Variants in UGT1A10 observed in about 807,000 individuals in gnomAD.
The protein encoded by UGT1A10 is UDP glucuronosyltransferase family 1 member A10.
A neutral mutation model predicts 45.8 loss-of-function variants in UGT1A10; 49 were observed. That is an observed-to-expected ratio of 1.07 (90% CI 0.85 to 1.36). The LOEUF (loss-of-function observed/expected upper bound fraction) is 1.36. Among genes scored for constraint, UGT1A10 ranks in the 40% most tolerant of loss-of-function variants. The pLI, the probability that UGT1A10 is intolerant of heterozygous loss-of-function variation, is 0.00. For missense variants in UGT1A10, 745 were observed against 668.6 expected (o/e 1.11, Z -1.26); for synonymous variants, 284 against 249.7 (o/e 1.14, Z -1.29).
chr2:233,686,882 T>A (rs1440121885), intron 1 of UGT1A10, among the ~76,000 whole-genome samples: 1 of 152,212 alleles, frequency 6.6e-6, no homozygotes, highest in Non-Finnish European at 1.5e-5. Context: ...TTTTTCTGCA[T>A]GATTCCTGCC....
intron 1 of UGT1A10, among the ~76,000 whole-genome samples, chr2:233,645,093 T>TA (rs1178538471): frequency 6.6e-6 from 1 of 152,174 alleles, no homozygotes; most frequent in Non-Finnish European, 1.5e-5. Context: ...AAAAGAACTT[T>TA]AAAAAACAAT....
chr2:233,697,701 G>T (rs765701149), intron 1 of UGT1A10, among the ~76,000 whole-genome samples: 13 of 151,746 alleles, frequency 8.6e-5, no homozygotes, highest in Non-Finnish European at 1.5e-4. Flanking sequence ...TTGGATGTAG[G>T]CATTTATTGT....
At chr2:233,747,331 C>T in intron 1 of UGT1A10, 1 of 1,603,324 alleles carries the variant, frequency 6.2e-7, no homozygotes. Flanking sequence ...TGATGGCAGC[C>T]ACTGGCTCGC....
At chr2:233,734,371 T>C (rs1011437447) in intron 1 of UGT1A10, among the ~76,000 whole-genome samples, 3 of 152,202 alleles carry the variant, frequency 2.0e-5, no homozygotes, top group Non-Finnish European at 4.4e-5. Flanking sequence ...GGTGGTGATA[T>C]TGCCTTTACT....
intron 1 of UGT1A10, among the ~76,000 whole-genome samples, chr2:233,706,029 A>G (rs2075885121): frequency 6.6e-6 from 1 of 152,194 alleles, no homozygotes; most frequent in Non-Finnish European, 1.5e-5. Context: ...TGGGAGGCAG[A>G]GGTTGCAGTG....
intron 1 of UGT1A10, among the ~76,000 whole-genome samples, chr2:233,765,157 C>T (rs1698767071): frequency 6.6e-6 from 1 of 152,114 alleles, no homozygotes; most frequent in African/African-American, 2.4e-5. Context: ...CTAGGGAACC[C>T]CTCAGTTTGG....
At chr2:233,656,172 A>T (rs561310535) in intron 1 of UGT1A10, among the ~76,000 whole-genome samples, 1 of 152,326 alleles carries the variant, frequency 6.6e-6, no homozygotes, top group Non-Finnish European at 1.5e-5. Flanking sequence ...CGTATTGAAC[A>T]CACATGCATG....
In UGT1A10 at chr2:233,767,139, G is replaced by C; in HGVS notation, c.961G>C (p.Asp321His). Residue 321 changes from aspartate to histidine, a missense_variant, in exon 2 of 5, where the codon GAT becomes CAT. Asp to His is a moderately conservative substitution (Grantham distance 81). Transcript: ENST00000344644. Reference protein sequence around the residue: ...IPEKKAMAIADALGKIPQTVL... With the variant: ...IPEKKAMAIAHALGKIPQTVL... Reference sequence around the variant, plus strand: ...AGAGAAGAAAGCTATGGCAATTGCTGATGCTTTGGGCAAAATCCCTCAGAC... The same window carrying C: ...AGAGAAGAAAGCTATGGCAATTGCTCATGCTTTGGGCAAAATCCCTCAGAC... 6.2e-7 allele frequency: 1 copy of C among 1,614,104 alleles called. No individual in the cohort carries two copies. The highest frequency in any genetic ancestry group is 1.7e-4 in the Middle Eastern group (1 of 6,060).
chr2:233,648,354 A>T lies in UGT1A10; in HGVS notation c.855+10977A>T, dbSNP rs548808795. 32 of 422,530 alleles carry T rather than the reference A, an allele frequency of 7.6e-5. No homozygotes were observed. The East Asian group carries it at 1.5e-3, about 19-fold the overall frequency. The allele number at this position is 422,530 out of a possible 1,614,324, so 26.2% of individuals were successfully genotyped here. On this transcript the variant is annotated intron_variant, in intron 1 of 4. Coordinates refer to ENST00000344644, the MANE Select transcript of UGT1A10 (RefSeq NM_019075.4). Reference sequence around the variant, plus strand: ...TGGTCTTCGCCAGAGGAATACTTTGACATTACCTTGAAGAAGGTGCACAGT... The same window carrying T: ...TGGTCTTCGCCAGAGGAATACTTTGTCATTACCTTGAAGAAGGTGCACAGT...
At chr2:233,643,884 C>A (rs1362920139) in intron 1 of UGT1A10, among the ~76,000 whole-genome samples, 1 of 152,114 alleles carries the variant, frequency 6.6e-6, no homozygotes, top group Non-Finnish European at 1.5e-5. Context: ...TGATTCTGAC[C>A]AGTGCCCTAT....
chr2:233,729,985 C>G, intron 1 of UGT1A10: 1 of 1,614,044 alleles, frequency 6.2e-7, no homozygotes. Flanking sequence ...CAGGAAGCCA[C>G]TATCTCAGGT....
At chr2:233,677,449 C>T (rs1033869500) in intron 1 of UGT1A10, among the ~76,000 whole-genome samples, 2 of 152,142 alleles carry the variant, frequency 1.3e-5, no homozygotes, top group Non-Finnish European at 2.9e-5. Context: ...TTACCAAAAG[C>T]CTTGCCAATA....
intron 1 of UGT1A10, among the ~76,000 whole-genome samples, chr2:233,665,469 A>C (rs889508946): frequency 6.6e-6 from 1 of 152,234 alleles, no homozygotes; most frequent in African/African-American, 2.4e-5. Flanking sequence ...GCTGTGGCAA[A>C]GTAGTGCCTT....
intron 1 of UGT1A10, among the ~76,000 whole-genome samples, chr2:233,742,284 C>G (rs1006206335): frequency 6.6e-6 from 1 of 151,974 alleles, no homozygotes. Context: ...AGCATCATTT[C>G]TATAGATTAT....
rs145878694 is a variant in UGT1A10, at chr2:233,769,172, G to A, written c.1295+733G>A. On this transcript the variant is annotated intron_variant, in intron 4 of 4. Transcript: ENST00000344644. The surrounding 1 kb of genome is among the most constrained non-coding windows in gnomAD (Gnocchi z 4.4). ...GAACCTGTGAGAAATTTTGTCCATG[G>A]AGTTTATGAATGAAGGAGCTATAAG... Among the ~76,000 whole-genome samples the A allele has an allele frequency of 2.1e-4, 32 of 152,304 alleles. No homozygotes were observed. The East Asian group carries it at 5.0e-3, about 24-fold the overall frequency.
chr2:233,717,108 A>C (rs1447260026), intron 1 of UGT1A10, among the ~76,000 whole-genome samples: 3 of 152,264 alleles, frequency 2.0e-5, no homozygotes, highest in East Asian at 3.9e-4. Context: ...TCTAAATAAA[A>C]CACCACTACA....
At chr2:233,657,470 G>A (rs1308749406) in intron 1 of UGT1A10, among the ~76,000 whole-genome samples, 1 of 152,178 alleles carries the variant, frequency 6.6e-6, no homozygotes, top group Non-Finnish European at 1.5e-5. Context: ...AGGAGGGGTT[G>A]CCAGGATCTT....
Position 233,693,665 on chromosome 2 carries a change from C to A in UGT1A10, c.855+56288C>A, listed in dbSNP as rs199739194. The A allele has an allele frequency of 2.7e-5, 44 of 1,614,120 alleles. No individual in the cohort carries two copies. The highest frequency in any genetic ancestry group is 3.4e-5 in the Non-Finnish European group (40 of 1,180,056). On this transcript the variant is annotated intron_variant, in intron 1 of 4. Transcript: ENST00000344644. ...CCTTGTTAATTTGTTGGAGCCCTAT[C>A]TATTTTATTGTCTGTTTTCAAAGTA...
At chr2:233,734,280 C>A (rs2078507648) in intron 1 of UGT1A10, among the ~76,000 whole-genome samples, 1 of 152,066 alleles carries the variant, frequency 6.6e-6, no homozygotes, top group South Asian at 2.1e-4. Flanking sequence ...GGAATTTATC[C>A]ATTTCTTCTA....
Sources: allele counts gnomAD v4.1 joint callset (sites outside exome capture counted in the v4.1 genomes callset), GRCh38; gene constraint gnomAD v4.1.1; non-coding constraint Gnocchi (gnomAD v3.1); transcripts MANE v1.5; gene names NCBI Gene and HGNC (gene_info 2026-07-23, HGNC 2026-07-21).